The following RAD54L variants were observed in gnomAD, a reference collection of about 807,000 sequenced individuals.
The protein encoded by RAD54L is RAD54 like.
In RAD54L, 74 loss-of-function variants were observed where a neutral mutation model predicts 91.6. The ratio of observed to expected loss-of-function variants is 0.81; its 90% CI spans 0.67 to 0.98. The LOEUF is 0.98. Among genes scored for constraint, RAD54L ranks in the 50% least tolerant of loss-of-function variants. The probability of loss-of-function intolerance (pLI) is 0.00; values close to 1 mark genes in which losing one functional copy is unlikely to be tolerated. For missense variants in RAD54L, 887 were observed against 945.7 expected (o/e 0.94, Z 0.81); for synonymous variants, 304 against 349.7 (o/e 0.87, Z 1.46).
chr1:46,248,734 C>A, intron 2 of RAD54L, 136 bp downstream of exon 2: 1 of 779,326 alleles, frequency 1.3e-6, no homozygotes, highest in African/African-American at 1.7e-5. Flanking sequence ...TGAGTACTTA[C>A]TATGTGCCAG....
In RAD54L at chr1:46,263,858, C is replaced by T. The variant is rs961989986; in HGVS notation, c.891+2473C>T. On this transcript the variant is annotated intron_variant, in intron 8 of 17. Transcript: ENST00000371975. This position sits in a 1 kb window ranked among gnomAD's most constrained non-coding sequence, Gnocchi z 4.3. Reference sequence around the variant, plus strand: ...CTGTTGTCCAGATGGAGTGCAGTGACGTGATCTTGGCTCACCGCAACCTCT... The same window carrying T: ...CTGTTGTCCAGATGGAGTGCAGTGATGTGATCTTGGCTCACCGCAACCTCT... Among the ~76,000 whole-genome samples, 5 of 151,998 alleles carry T rather than the reference C, an allele frequency of 3.3e-5. No homozygotes were observed. The highest frequency in any genetic ancestry group is 4.4e-5 in the Non-Finnish European group (3 of 68,008).
rs935566613 is a variant in RAD54L, at chr1:46,248,322, G to A, written c.-84G>A. On this transcript the variant is annotated 5_prime_UTR_variant, in exon 1 of 18. Coordinates refer to ENST00000371975, the MANE Select transcript of RAD54L (RefSeq NM_003579.4). ...ATGTAGCAGCCCCCTCTACAGATTA[G>A]ACCCTGGTCCTACACTCTTAGCCGC... 7 of 1,542,064 alleles carry A rather than the reference G, an allele frequency of 4.5e-6. No individual in the cohort carries two copies. Among genetic ancestry groups the A allele is most frequent in the Non-Finnish European group, 6.2e-6 (7 of 1,120,184 alleles).
In RAD54L at chr1:46,249,760, T is replaced by C. The variant is rs936580291; in HGVS notation, c.91-240T>C. Among the ~76,000 whole-genome samples, 16 of 152,196 alleles carry C rather than the reference T, an allele frequency of 1.1e-4. 1 individual carries two copies. Among genetic ancestry groups the C allele is most frequent in the African/African-American group, 3.9e-4 (16 of 41,434 alleles). ...TCTTCAGAGGCCCATTTTATTTACC[T>C]CTTCCATTGCCCCGCTCAGTTTAGG... is the stretch of plus-strand genomic sequence containing the variant. On this transcript the variant is annotated intron_variant, in intron 2 of 17. Transcript: ENST00000371975.
rs1179368250 is a variant in RAD54L at position 46,265,732 on chromosome 1, G to A, written c.892-1727G>A. Among the ~76,000 whole-genome samples, 1 of 152,170 alleles carries A rather than the reference G, an allele frequency of 6.6e-6. No individual in the cohort carries two copies. The highest frequency in any genetic ancestry group is 1.5e-5 in the Non-Finnish European group (1 of 68,044). On this transcript the variant is annotated intron_variant, in intron 8 of 17. Transcript: ENST00000371975. This position sits in a 1 kb window ranked among gnomAD's most constrained non-coding sequence, Gnocchi z 4.8. ...GTCTCTGCCTAGTTGAGAAGATAAA[G>A]TACAGTAGAGTGTGATTAGTACTCT... is the stretch of plus-strand genomic sequence containing the variant.
chr1:46,268,340 ACTC>A (rs1660324267), intron 9 of RAD54L, among the ~76,000 whole-genome samples: 1 of 151,704 alleles, frequency 6.6e-6, no homozygotes. Context: ...AATAATCAAA[ACTC>A]CTCATTCCTC....
intron 16 of RAD54L, 66 bp from the exon 17 acceptor site, chr1:46,277,751 T>C: frequency 2.0e-6 from 3 of 1,524,394 alleles, no homozygotes; most frequent in Non-Finnish European, 2.7e-6. Flanking sequence ...TTGGTTTTCC[T>C]GCTCCCTTTT....
intron 9 of RAD54L, among the ~76,000 whole-genome samples, chr1:46,268,721 A>G (rs1660334790): frequency 1.3e-5 from 2 of 152,204 alleles, no homozygotes; most frequent in South Asian, 4.1e-4. Flanking sequence ...GTTCATTTTC[A>G]TAATTGCATA....
intron 8 of RAD54L, among the ~76,000 whole-genome samples, chr1:46,261,894 C>T (rs2148289905): frequency 6.6e-6 from 1 of 152,086 alleles, no homozygotes; most frequent in South Asian, 2.1e-4. Context: ...TTTTGAGAGG[C>T]TGAGGTGAGT....
At chr1:46,276,320 C>T (rs1376104645) in intron 16 of RAD54L, among the ~76,000 whole-genome samples, 1 of 152,100 alleles carries the variant, frequency 6.6e-6, no homozygotes, top group Non-Finnish European at 1.5e-5. Context: ...CCACCACACC[C>T]GGATAACTTT....
intron 3 of RAD54L, among the ~76,000 whole-genome samples, chr1:46,251,778 C>T (rs1460995320): frequency 6.6e-6 from 1 of 151,974 alleles, no homozygotes; most frequent in African/African-American, 2.4e-5. Flanking sequence ...GGCATGGTGG[C>T]GTGTGCCTGT....
chr1:46,256,320 C>G (rs1001114721), intron 3 of RAD54L, among the ~76,000 whole-genome samples: 10 of 152,108 alleles, frequency 6.6e-5, no homozygotes, highest in African/African-American at 2.4e-4. Flanking sequence ...CTTAAGCGGT[C>G]CTCCCACCTC....
At chr1:46,264,042 G>A (rs1219492749) in intron 8 of RAD54L, among the ~76,000 whole-genome samples, 1 of 152,036 alleles carries the variant, frequency 6.6e-6, no homozygotes, top group African/African-American at 2.4e-5. Flanking sequence ...AATAATCTGC[G>A]GCCTTGGCCT....
intron 3 of RAD54L, among the ~76,000 whole-genome samples, chr1:46,252,359 T>C (rs1448336156): frequency 6.6e-6 from 1 of 151,990 alleles, no homozygotes; most frequent in Non-Finnish European, 1.5e-5. Flanking sequence ...AACAGCAGTA[T>C]AGAATATTTG....
intron 3 of RAD54L, among the ~76,000 whole-genome samples, chr1:46,252,564 G>C (rs142110827): frequency 1.8e-4 from 28 of 152,202 alleles, no homozygotes; most frequent in African/African-American, 6.0e-4. Context: ...AGGGAAAATT[G>C]AGGATGAAGT....
At chr1:46,264,378 G>C (rs1240049295) in intron 8 of RAD54L, among the ~76,000 whole-genome samples, 2 of 152,210 alleles carry the variant, frequency 1.3e-5, no homozygotes, top group African/African-American at 2.4e-5. Context: ...AGCTCCCACA[G>C]CATCTTCCTC....
chr1:46,272,853 G>C (rs577685894), intron 12 of RAD54L, 51 bp downstream of exon 12: 1 of 1,609,198 alleles, frequency 6.2e-7, no homozygotes, highest in Non-Finnish European at 8.5e-7. Flanking sequence ...GCAAGGGAGG[G>C]TAGGTTCCTG....
intron 16 of RAD54L, among the ~76,000 whole-genome samples, chr1:46,274,967 T>TA (rs1258015540): frequency 1.3e-5 from 2 of 152,190 alleles, no homozygotes; most frequent in African/African-American, 4.8e-5. Flanking sequence ...GCTTCCCTCA[T>TA]ACATGATTTC....
intron 15 of RAD54L, 39 bp downstream of exon 15, chr1:46,274,255 A>C (rs1200179553): frequency 6.4e-7 from 1 of 1,559,550 alleles, no homozygotes; most frequent in Non-Finnish European, 8.8e-7. Context: ...CCAATGCAGT[A>C]TCATCAGAAT....
At chr1:46,256,251 T>C (rs1244076813) in intron 3 of RAD54L, among the ~76,000 whole-genome samples, 1 of 151,996 alleles carries the variant, frequency 6.6e-6, no homozygotes, top group Non-Finnish European at 1.5e-5. Flanking sequence ...TTAAATTTTG[T>C]GTACGGGGTG....
Sources: allele counts gnomAD v4.1 joint callset (sites outside exome capture counted in the v4.1 genomes callset), GRCh38; gene constraint gnomAD v4.1.1; non-coding constraint Gnocchi (gnomAD v3.1); transcripts MANE v1.5; gene names NCBI Gene and HGNC (gene_info 2026-07-23, HGNC 2026-07-21).